Variants in COL22A1 observed in about 807,000 individuals in gnomAD.
The protein encoded by COL22A1 is collagen alpha-1(XXII) chain.
In COL22A1, 221 loss-of-function variants were observed where a neutral mutation model predicts 248.9. The ratio of observed to expected loss-of-function variants is 0.89; its 90% CI spans 0.80 to 0.99. The LOEUF is 0.99. COL22A1 is among the 50% of genes least tolerant of loss of function. The pLI is 0.00. For missense variants in COL22A1, 2,240 were observed against 2,179.0 expected (o/e 1.03, Z -0.56); for synonymous variants, 891 against 793.4 (o/e 1.12, Z -2.07).
chr8:138,891,043 T>A (rs1825030913), intron 1 of COL22A1, among the ~76,000 whole-genome samples: 1 of 151,930 alleles, frequency 6.6e-6, no homozygotes, highest in Non-Finnish European at 1.5e-5. Context: ...TTTGTTGTGT[T>A]CCTGTACACC....
chr8:138,724,180 T>TC (rs1430640499), intron 25 of COL22A1, among the ~76,000 whole-genome samples: 1 of 151,832 alleles, frequency 6.6e-6, no homozygotes, highest in African/African-American at 2.4e-5. Context: ...CCCCCTAAGA[T>TC]CCCCCAGGTC....
chr8:138,591,370 T>C, intron 64 of COL22A1, 54 bp downstream of exon 64: 1 of 1,376,888 alleles, frequency 7.3e-7, no homozygotes, highest in Admixed American at 2.3e-5. Context: ...GCAGGGGTGC[T>C]GGGTCTCCAG....
intron 7 of COL22A1, among the ~76,000 whole-genome samples, chr8:138,820,093 T>TA (rs34268037): frequency 0.26 from 39,842 of 150,776 alleles, 5,642 homozygotes; most frequent in African/African-American, 0.37. Flanking sequence ...ATGCTTTAGC[T>TA]AAAAAAAAAT....
chr8:138,829,985 T>A (rs946303124), intron 5 of COL22A1, among the ~76,000 whole-genome samples: 15 of 152,248 alleles, frequency 9.9e-5, no homozygotes, highest in Admixed American at 2.6e-4. Flanking sequence ...TGTTTATATA[T>A]GTACCCATAT....
intron 47 of COL22A1, among the ~76,000 whole-genome samples, chr8:138,638,641 T>A (rs1003952448): frequency 6.6e-6 from 1 of 152,150 alleles, no homozygotes; most frequent in African/African-American, 2.4e-5. Flanking sequence ...AGAAAAAAAA[T>A]GGAGTCAGAG....
intron 18 of COL22A1, among the ~76,000 whole-genome samples, chr8:138,759,627 T>C (rs1833283848): frequency 6.6e-6 from 1 of 152,194 alleles, no homozygotes; most frequent in Admixed American, 6.5e-5. Context: ...GACATTTTTG[T>C]AGGCCCTTCA....
intron 23 of COL22A1, among the ~76,000 whole-genome samples, chr8:138,732,157 C>T (rs191214983): frequency 6.6e-6 from 1 of 152,076 alleles, no homozygotes; most frequent in Non-Finnish European, 1.5e-5. Context: ...CTTTCTCCCG[C>T]CAAAAAATGT....
intron 5 of COL22A1, 60 bp from the exon 6 acceptor site, chr8:138,826,841 G>A (rs1819624291): frequency 1.3e-6 from 2 of 1,595,782 alleles, no homozygotes; most frequent in South Asian, 2.2e-5. Context: ...AGCCAGCAAA[G>A]TGAGCCCACA....
chr8:138,842,459 C>A (rs1820954549), intron 4 of COL22A1, among the ~76,000 whole-genome samples: 2 of 152,128 alleles, frequency 1.3e-5, no homozygotes, highest in African/African-American at 4.8e-5. Flanking sequence ...TAAGAATTTG[C>A]TTTGAAGACG....
At chr8:138,608,215 G>C (rs764904834) in intron 56 of COL22A1, among the ~76,000 whole-genome samples, 1 of 152,188 alleles carries the variant, frequency 6.6e-6, no homozygotes, top group Non-Finnish European at 1.5e-5. Context: ...ATGAGTCCGT[G>C]GGCATGAAAA....
intron 6 of COL22A1, among the ~76,000 whole-genome samples, chr8:138,823,080 A>G (rs994491622): frequency 3.3e-5 from 5 of 152,238 alleles, no homozygotes; most frequent in African/African-American, 1.2e-4. Context: ...CCAATGAATC[A>G]CTTTTTAGCT....
At chr8:138,634,341 G>A (rs1012635146) in intron 49 of COL22A1, among the ~76,000 whole-genome samples, 1 of 152,098 alleles carries the variant, frequency 6.6e-6, no homozygotes, top group Admixed American at 6.6e-5. Flanking sequence ...TCTGGGACAA[G>A]GGTCTCATGT....
intron 22 of COL22A1, among the ~76,000 whole-genome samples, chr8:138,745,615 G>C (rs952880413): frequency 1.3e-5 from 2 of 152,144 alleles, no homozygotes; most frequent in Non-Finnish European, 2.9e-5. Flanking sequence ...TTCTATTAAA[G>C]AAAACAAAAA....
intron 4 of COL22A1, among the ~76,000 whole-genome samples, chr8:138,834,288 TTA>T (rs1820270974): frequency 6.6e-6 from 1 of 151,848 alleles, no homozygotes; most frequent in South Asian, 2.1e-4. Flanking sequence ...CCATGAGATT[TTA>T]GGAAGAGTTC....
intron 12 of COL22A1, among the ~76,000 whole-genome samples, chr8:138,786,077 T>C (rs1286482852): frequency 6.6e-6 from 1 of 152,188 alleles, no homozygotes; most frequent in Non-Finnish European, 1.5e-5. Flanking sequence ...TTTGGACAAA[T>C]TGTCGAAGTG....
At chr8:138,782,195 C>T (rs1815074107) in intron 12 of COL22A1, among the ~76,000 whole-genome samples, 1 of 152,200 alleles carries the variant, frequency 6.6e-6, no homozygotes, top group Non-Finnish European at 1.5e-5. Context: ...GACATGAGTC[C>T]ATCTCAGCTG....
At chr8:138,743,813 C>T (rs547060493) in intron 22 of COL22A1, among the ~76,000 whole-genome samples, 1 of 152,222 alleles carries the variant, frequency 6.6e-6, no homozygotes, top group East Asian at 1.9e-4. Flanking sequence ...CTGAGCGGAA[C>T]TGGTATTTCC....
intron 3 of COL22A1, among the ~76,000 whole-genome samples, chr8:138,852,337 A>AGCCAGTCC (rs900500442): frequency 6.6e-6 from 1 of 152,166 alleles, no homozygotes; most frequent in Non-Finnish European, 1.5e-5. Flanking sequence ...GAGGAGAGGT[A>AGCCAGTCC]GCCAGTCCCT....
chr8:138,856,832 C>T (rs1822067246), intron 3 of COL22A1, among the ~76,000 whole-genome samples: 1 of 152,164 alleles, frequency 6.6e-6, no homozygotes, highest in South Asian at 2.1e-4. Context: ...GCCAGTGACA[C>T]ATTCCTGACA....
Sources: gnomAD v4.1 joint callset for allele counts (sites outside exome capture counted in the v4.1 genomes callset) on GRCh38, gnomAD v4.1.1 for gene constraint, MANE v1.5 for transcripts, NCBI Gene and HGNC (gene_info 2026-07-23, HGNC 2026-07-21) for gene names.